Variants in SLC25A32 observed in about 807,000 individuals in gnomAD.
SLC25A32 encodes solute carrier family 25 member 32, also known as Glycine auxotroph B, complementation of hamster.
A neutral mutation model predicts 39.0 loss-of-function variants in SLC25A32; 32 were observed. The ratio of observed to expected loss-of-function variants is 0.82; its 90% CI spans 0.62 to 1.10. SLC25A32 has a LOEUF of 1.10. Ranked by LOEUF, SLC25A32 falls within the 50% of genes least tolerant of loss-of-function variation. The pLI is 0.00. For missense variants in SLC25A32, 367 were observed against 395.3 expected (o/e 0.93, Z 0.61); for synonymous variants, 166 against 152.4 (o/e 1.09, Z -0.66).
At chr8:103,411,215 T>C (rs536311203) in intron 1 of SLC25A32, among the ~76,000 whole-genome samples, 1 of 152,252 alleles carries the variant, frequency 6.6e-6, no homozygotes, top group Non-Finnish European at 1.5e-5. Flanking sequence ...TTGTTCTAGA[T>C]CCTGCTTCTT....
At chr8:103,412,449 C>T (rs1816485985) in intron 1 of SLC25A32, among the ~76,000 whole-genome samples, 2 of 152,172 alleles carry the variant, frequency 1.3e-5, no homozygotes, top group South Asian at 2.1e-4. Flanking sequence ...CCTGAATAAT[C>T]ATCCAATCCA....
At chr8:103,407,485 T>C in intron 2 of SLC25A32, 149 bp downstream of exon 2, 2 of 559,952 alleles carry the variant, frequency 3.6e-6, no homozygotes, top group Non-Finnish European at 5.8e-6. Context: ...ATCAAATAAC[T>C]AATCAGCCAT....
chr8:103,401,910 AATG>A, intron 5 of SLC25A32, 28 bp downstream of exon 5: 3 of 1,554,178 alleles, frequency 1.9e-6, no homozygotes, highest in Non-Finnish European at 2.6e-6. Context: ...CATAAAAGGA[AATG>A]ATATCATTTT....
intron 5 of SLC25A32, 97 bp downstream of exon 5, chr8:103,401,844 C>G: frequency 9.7e-7 from 1 of 1,028,730 alleles, no homozygotes; most frequent in Non-Finnish European, 1.4e-6. Flanking sequence ...CAGTACTCAT[C>G]ATCATAGCAC....
rs1033973938 is a variant in SLC25A32 at position 103,401,794 on chromosome 8, C to G, written c.667-133G>C. The G allele has an allele frequency of 3.1e-6, 3 of 975,502 alleles. No homozygotes were observed. In the African/African-American group the frequency reaches 5.0e-5, roughly 16 times the overall value. 60.4% of individuals were successfully genotyped at this position (975,502 alleles called of 1,614,324 possible). On this transcript the variant is annotated intron_variant, in intron 5 of 6. Transcript: ENST00000297578. ...ATTTTTGACATTTGTGTGGCTTCAG[C>G]CTATAAATATTTAACTATAAATTAA...
chr8:103,410,536 A>G (rs893940398), intron 1 of SLC25A32, among the ~76,000 whole-genome samples: 1 of 152,206 alleles, frequency 6.6e-6, no homozygotes, highest in Non-Finnish European at 1.5e-5. Flanking sequence ...GAGGTGAAAC[A>G]GTTTCATCCT....
In SLC25A32 at chr8:103,400,551, A is replaced by T. The variant is rs766091169; in HGVS notation, c.813-5T>A. The T allele has an allele frequency of 3.7e-6, 6 of 1,613,332 alleles. No individual in the cohort carries two copies. The highest frequency in any genetic ancestry group is 5.1e-6 in the Non-Finnish European group (6 of 1,179,840). ...AATCCACCGACGCCTTCTTTCCTTT[A>T]GAGGGAAAAATAGATAATGCTTAAT... On this transcript the variant is annotated splice_region_variant and splice_polypyrimidine_tract_variant and intron_variant, in intron 6 of 6. Coordinates refer to ENST00000297578, the MANE Select transcript of SLC25A32 (RefSeq NM_030780.5).
At chr8:103,403,392 G>C in intron 3 of SLC25A32, 68 bp from the exon 4 acceptor site, 50 of 333,554 alleles carry the variant, frequency 1.5e-4, no homozygotes, top group East Asian at 2.5e-4. Flanking sequence ...ACCCAAATTA[G>C]AAACAGTACA....
At chr8:103,414,293 T>A (rs114768957) in intron 1 of SLC25A32, among the ~76,000 whole-genome samples, 3 of 152,206 alleles carry the variant, frequency 2.0e-5, no homozygotes. Flanking sequence ...TCACAGAAAC[T>A]TGTACCATTC....
At chr8:103,410,114 T>C (rs958317124) in intron 1 of SLC25A32, among the ~76,000 whole-genome samples, 2 of 152,186 alleles carry the variant, frequency 1.3e-5, no homozygotes, top group Non-Finnish European at 2.9e-5. Flanking sequence ...CAATACCATT[T>C]CTCTCTTGAG....
chr8:103,414,124 A>T (rs149993252), intron 1 of SLC25A32, among the ~76,000 whole-genome samples: 1 of 152,350 alleles, frequency 6.6e-6, no homozygotes, highest in African/African-American at 2.4e-5. Flanking sequence ...TAATAACTTT[A>T]TTTGGAAACT....
At chr8:103,401,275 CATTTA>C (rs1816212455) in intron 6 of SLC25A32, among the ~76,000 whole-genome samples, 1 of 151,638 alleles carries the variant, frequency 6.6e-6, no homozygotes, top group South Asian at 2.1e-4. Context: ...CATTTTCACA[CATTTA>C]ATTTGATTCT....
Position 103,415,063 on chromosome 8 carries a change from C to A in SLC25A32, c.-126G>T. The stretch of plus-strand genomic sequence containing the variant: ...CCCACCTCCGGGACCAACGAGAGGA[C>A]TCTTATGCCCAAGGCGCGTGAGCGA... On this transcript the variant is annotated 5_prime_UTR_variant, in exon 1 of 7. Transcript: ENST00000297578. 1.2e-6 allele frequency: 2 copies of A among 1,604,182 alleles called. No individual in the cohort carries two copies. Among genetic ancestry groups the A allele is most frequent in the Non-Finnish European group, 1.7e-6 (2 of 1,175,690 alleles).
rs150911790 is a variant in SLC25A32, at chr8:103,413,595, C to T, written c.154+1189G>A. 2.3e-3 allele frequency among the ~76,000 whole-genome samples: 343 copies of T among 152,282 alleles called. 5 individuals are homozygous for T. Among genetic ancestry groups the T allele is most frequent in the African/African-American group, 7.7e-3 (318 of 41,554 alleles). On this transcript the variant is annotated intron_variant, in intron 1 of 6. Coordinates refer to ENST00000297578, the MANE Select transcript of SLC25A32 (RefSeq NM_030780.5). ...ATCTAAAGCATAGTTCACTGCCTTGCTCCTAGTAAATACTCGATAAAGATT... is the reference window on the plus strand; with the variant it reads ...ATCTAAAGCATAGTTCACTGCCTTGTTCCTAGTAAATACTCGATAAAGATT...
In SLC25A32 at chr8:103,403,296, T is replaced by C. The variant is rs199903851; in HGVS notation, c.420A>G (p.Pro140=). 3.7e-6 allele frequency: 6 copies of C among 1,612,196 alleles called. No individual in the cohort carries two copies. In the East Asian group the frequency reaches 6.7e-5, roughly 18 times the overall value. Residue 140 remains proline (P), a synonymous_variant, in exon 4 of 7, where the codon CCA becomes CCG. Transcript: ENST00000297578. ...AGAMTLCITN[P]LWVTKTRLML... ...TAAGGCGAGTTTTTGTTACCCATAA[T>C]GGGTTTGTAATGCAGAGGGTCATGG...
chr8:103,406,092 T>C (rs575097950), intron 2 of SLC25A32, among the ~76,000 whole-genome samples: 3 of 150,058 alleles, frequency 2.0e-5, no homozygotes, highest in Middle Eastern at 3.4e-3. Flanking sequence ...CACACACACA[T>C]ATACATAAAC....
intron 1 of SLC25A32, among the ~76,000 whole-genome samples, chr8:103,414,354 CCCAA>C (rs1816538168): frequency 6.6e-6 from 1 of 152,168 alleles, no homozygotes; most frequent in Non-Finnish European, 1.5e-5. Flanking sequence ...TAAATCTACT[CCCAA>C]CCATTCGCTG....
At chr8:103,407,109 C>G (rs979006491) in intron 2 of SLC25A32, among the ~76,000 whole-genome samples, 1 of 152,142 alleles carries the variant, frequency 6.6e-6, no homozygotes, top group African/African-American at 2.4e-5. Context: ...TATTTTGACT[C>G]TAATTAGAAA....
intron 4 of SLC25A32, among the ~76,000 whole-genome samples, chr8:103,402,907 T>C (rs1200292024): frequency 2.6e-5 from 4 of 152,174 alleles, no homozygotes; most frequent in Non-Finnish European, 5.9e-5. Context: ...GTATAACTTA[T>C]CAAATAGAAA....
Sources: gnomAD v4.1 joint callset for allele counts (sites outside exome capture counted in the v4.1 genomes callset) on GRCh38, gnomAD v4.1.1 for gene constraint, MANE v1.5 for transcripts, NCBI Gene and HGNC (gene_info 2026-07-23, HGNC 2026-07-21) for gene names.